FRMD4A: variants seen among roughly 807,000 people sequenced by gnomAD.
The protein encoded by FRMD4A is FERM domain-containing protein 4A.
Under a neutral mutation model 129.1 loss-of-function variants are expected in FRMD4A, and 29 were observed. The observed-to-expected ratio is 0.22, with a 90% CI of 0.17 to 0.31. The LOEUF is 0.31. Among genes scored for constraint, FRMD4A ranks in the 10% least tolerant of loss-of-function variants. FRMD4A has a pLI of 1.00. For synonymous variants in FRMD4A, 634 were observed against 571.6 expected (o/e 1.11, Z -1.56); for missense variants, 1,272 against 1,375.8 (o/e 0.92, Z 1.19).
chr10:14,280,770 AGT>A (rs953360498), intron 2 of FRMD4A, among the ~76,000 whole-genome samples: 2 of 152,078 alleles, frequency 1.3e-5, no homozygotes, highest in African/African-American at 4.8e-5. Context: ...CTGAGTGAAA[AGT>A]GTGAAGTTTT....
At chr10:13,730,013 A>C (rs2090212244) in intron 12 of FRMD4A, among the ~76,000 whole-genome samples, 1 of 152,126 alleles carries the variant, frequency 6.6e-6, no homozygotes, top group Non-Finnish European at 1.5e-5. Flanking sequence ...TCTAACTCTT[A>C]GTGTCCTTTT....
intron 5 of FRMD4A, among the ~76,000 whole-genome samples, chr10:13,795,895 A>C (rs892861636): frequency 1.3e-5 from 2 of 152,202 alleles, no homozygotes; most frequent in Admixed American, 6.5e-5. Context: ...AACTATTTAA[A>C]TCACTATAGC....
chr10:13,797,024 TC>T (rs757073924), intron 4 of FRMD4A, among the ~76,000 whole-genome samples: 6 of 152,302 alleles, frequency 3.9e-5, no homozygotes, highest in Admixed American at 6.5e-5. Flanking sequence ...CCGGCCACCT[TC>T]ACCTTATTAC....
intron 2 of FRMD4A, among the ~76,000 whole-genome samples, chr10:14,140,350 A>AC (rs986347613): frequency 4.6e-5 from 7 of 151,890 alleles, no homozygotes; most frequent in Admixed American, 2.6e-4. Context: ...GATGTGAGCC[A>AC]CCCCCCTTGG....
chr10:13,671,108 T>C (rs2083474029), intron 16 of FRMD4A, among the ~76,000 whole-genome samples: 1 of 152,212 alleles, frequency 6.6e-6, no homozygotes. Flanking sequence ...TCTGGCCAGA[T>C]GCTACAGGAA....
chr10:13,944,288 CG>C (rs200915183), intron 2 of FRMD4A, among the ~76,000 whole-genome samples: 2,691 of 147,984 alleles, frequency 0.018, 33 homozygotes, highest in Non-Finnish European at 0.031. Flanking sequence ...CACAGGAGCA[CG>C]AACCCTGTTC....
chr10:14,127,214 G>C (rs1489225127), intron 2 of FRMD4A, among the ~76,000 whole-genome samples: 1 of 152,224 alleles, frequency 6.6e-6, no homozygotes, highest in Non-Finnish European at 1.5e-5. Context: ...TTCAGGTGGA[G>C]GTGGAAGCTG....
intron 2 of FRMD4A, among the ~76,000 whole-genome samples, chr10:14,270,162 G>A (rs1299336173): frequency 6.6e-6 from 1 of 152,184 alleles, no homozygotes; most frequent in Non-Finnish European, 1.5e-5. Flanking sequence ...TGGTTCTGAA[G>A]CCTCTGGACT....
intron 2 of FRMD4A, among the ~76,000 whole-genome samples, chr10:13,912,520 A>ATTT (rs57865883): frequency 1.7e-4 from 22 of 126,208 alleles, no homozygotes; most frequent in African/African-American, 5.9e-4. Flanking sequence ...ACATAATAGA[A>ATTT]TTTTTTTTTT....
intron 14 of FRMD4A, among the ~76,000 whole-genome samples, chr10:13,696,527 T>G (rs556319070): frequency 6.6e-6 from 1 of 152,166 alleles, no homozygotes; most frequent in Non-Finnish European, 1.5e-5. Context: ...GTGGATCACT[T>G]GAGGCCAGGT....
chr10:14,050,093 G>A (rs748898391), intron 2 of FRMD4A, among the ~76,000 whole-genome samples: 5 of 152,116 alleles, frequency 3.3e-5, no homozygotes, highest in Admixed American at 6.5e-5. Context: ...CTATGCCTCC[G>A]TTTTTTCCAT....
intron 14 of FRMD4A, among the ~76,000 whole-genome samples, chr10:13,694,647 T>TTC (rs1248920831): frequency 6.6e-6 from 1 of 152,154 alleles, no homozygotes; most frequent in Non-Finnish European, 1.5e-5. Context: ...GTGACAGTGG[T>TTC]TCTCCAGCTT....
At chr10:13,794,787 A>G (rs1401821534) in intron 5 of FRMD4A, among the ~76,000 whole-genome samples, 1 of 152,224 alleles carries the variant, frequency 6.6e-6, no homozygotes, top group Non-Finnish European at 1.5e-5. Context: ...GGAAGCGTCT[A>G]TTATGGCTAC....
intron 2 of FRMD4A, among the ~76,000 whole-genome samples, chr10:14,156,216 AACT>A (rs201713431): frequency 0.011 from 1,745 of 152,328 alleles, 15 homozygotes; most frequent in Middle Eastern, 0.034. Flanking sequence ...AAAATGAATG[AACT>A]ACAACAATAC....
At chr10:13,672,635 C>T (rs2083604336) in intron 16 of FRMD4A, among the ~76,000 whole-genome samples, 1 of 152,164 alleles carries the variant, frequency 6.6e-6, no homozygotes, top group South Asian at 2.1e-4. Context: ...ACTGGAGCTG[C>T]ACGCTGAAGA....
chr10:13,870,565 C>T (rs1033056172), intron 2 of FRMD4A, among the ~76,000 whole-genome samples: 1 of 152,192 alleles, frequency 6.6e-6, no homozygotes, highest in Admixed American at 6.5e-5. Flanking sequence ...ACCCAAGGAG[C>T]CGTGGTCCTG....
intron 2 of FRMD4A, among the ~76,000 whole-genome samples, chr10:14,073,843 G>A (rs1191049591): frequency 6.6e-6 from 1 of 152,164 alleles, no homozygotes; most frequent in Non-Finnish European, 1.5e-5. Flanking sequence ...ATAGGGCGGT[G>A]GCTCATGTCT....
At chr10:13,797,807 G>A (rs762405836) in intron 4 of FRMD4A, among the ~76,000 whole-genome samples, 20 of 152,022 alleles carry the variant, frequency 1.3e-4, no homozygotes, top group Admixed American at 9.8e-4. Flanking sequence ...GTCTAAAAAC[G>A]CTTGTTCCTC....
chr10:13,968,345 G>A (rs2095497846), intron 2 of FRMD4A, among the ~76,000 whole-genome samples: 1 of 152,224 alleles, frequency 6.6e-6, no homozygotes, highest in Non-Finnish European at 1.5e-5. Context: ...ATACACTCAA[G>A]ATGAGTCTTT....
Sources: gnomAD v4.1 joint callset for allele counts (sites outside exome capture counted in the v4.1 genomes callset) on GRCh38, gnomAD v4.1.1 for gene constraint, MANE v1.5 for transcripts, NCBI Gene and HGNC (gene_info 2026-07-23, HGNC 2026-07-21) for gene names.